Variants in SYNPR observed in about 807,000 individuals in gnomAD.
SYNPR encodes synaptoporin.
In SYNPR, 23 loss-of-function variants were observed where a neutral mutation model predicts 32.9. That is an observed-to-expected ratio of 0.70 (90% CI 0.50 to 0.99). The LOEUF (loss-of-function observed/expected upper bound fraction) is 0.99. Among genes scored for constraint, SYNPR ranks in the 50% least tolerant of loss-of-function variants. The pLI, the probability that SYNPR is intolerant of heterozygous loss-of-function variation, is 0.00. For missense variants in SYNPR, 318 were observed against 349.3 expected, an observed-to-expected ratio of 0.91 and a Z score of 0.71; for synonymous variants, 146 against 135.9, an observed-to-expected ratio of 1.07 and a Z score of -0.52.
chr3:63,473,413 A>T (rs948632340), intron 2 of SYNPR, among the ~76,000 whole-genome samples: 9 of 151,940 alleles, frequency 5.9e-5, no homozygotes, highest in African/African-American at 2.2e-4. Context: ...GATTGATTGT[A>T]TTTCTTTTTA....
chr3:63,340,173 C>T (rs950312116), intron 2 of SYNPR, among the ~76,000 whole-genome samples: 2 of 151,926 alleles, frequency 1.3e-5, no homozygotes. Context: ...AGTAATAGTC[C>T]ATGGCATGAA....
chr3:63,397,071 T>C (rs1251588193), intron 2 of SYNPR, among the ~76,000 whole-genome samples: 1 of 134,440 alleles, frequency 7.4e-6, no homozygotes, highest in Non-Finnish European at 1.5e-5. Flanking sequence ...GCCACTGCAC[T>C]CCAGCCTGGG....
intron 4 of SYNPR, among the ~76,000 whole-genome samples, chr3:63,592,865 A>G (rs1699862704): frequency 6.6e-6 from 1 of 152,116 alleles, no homozygotes; most frequent in Admixed American, 6.6e-5. Context: ...GAGCTGGGCT[A>G]AGCATTTTAT....
intron 2 of SYNPR, among the ~76,000 whole-genome samples, chr3:63,350,369 A>G (rs2087491489): frequency 6.6e-6 from 1 of 152,208 alleles, no homozygotes; most frequent in South Asian, 2.1e-4. Context: ...TGGACCTGCT[A>G]CAAGCCCTGT....
chr3:63,233,113 T>C (rs1575571345), intron 1 of SYNPR, among the ~76,000 whole-genome samples: 1 of 152,182 alleles, frequency 6.6e-6, no homozygotes, highest in East Asian at 1.9e-4. Context: ...ACTTTGGGCC[T>C]TGGAACTAAG....
intron 2 of SYNPR, among the ~76,000 whole-genome samples, chr3:63,319,597 G>C (rs1269972555): frequency 6.6e-6 from 1 of 151,762 alleles, no homozygotes; most frequent in Non-Finnish European, 1.5e-5. Context: ...AATGAAAACT[G>C]TAAGACATTG....
At chr3:63,350,546 A>C (rs1451737053) in intron 2 of SYNPR, among the ~76,000 whole-genome samples, 11 of 152,318 alleles carry the variant, frequency 7.2e-5, no homozygotes, top group Middle Eastern at 3.4e-3. Context: ...GTGCATATGC[A>C]CACATGCACT....
In SYNPR at chr3:63,449,431, T is replaced by C. The variant is rs142729401; in HGVS notation, c.85-31401T>C. On this transcript the variant is annotated intron_variant, in intron 2 of 5. Coordinates refer to ENST00000478300, the MANE Select transcript of SYNPR (RefSeq NM_001130003.2). ...ACATTCTGGTGCAGATAATTCATTA[T>C]TGTTAGGGGGCTGTTTTATGTATTA... 2.0e-3 allele frequency among the ~76,000 whole-genome samples: 303 copies of C among 152,290 alleles called. 1 individual carries two copies. The highest frequency in any genetic ancestry group is 7.1e-3 in the African/African-American group (294 of 41,556).
At chr3:63,390,614 T>G (rs571208255) in intron 2 of SYNPR, among the ~76,000 whole-genome samples, 43 of 152,332 alleles carry the variant, frequency 2.8e-4, no homozygotes, top group African/African-American at 1.0e-3. Flanking sequence ...TGTGTGAACT[T>G]GGGAAAAACG....
intron 2 of SYNPR, among the ~76,000 whole-genome samples, chr3:63,302,054 TG>T (rs1292747187): frequency 6.6e-6 from 1 of 152,078 alleles, no homozygotes; most frequent in Non-Finnish European, 1.5e-5. Flanking sequence ...ATGAATGAAT[TG>T]TTTTCTCACT....
At chr3:63,576,834 A>G (rs1246211192) in intron 4 of SYNPR, among the ~76,000 whole-genome samples, 1 of 152,032 alleles carries the variant, frequency 6.6e-6, no homozygotes, top group Non-Finnish European at 1.5e-5. Flanking sequence ...AGAAAAAAGA[A>G]AACATGTTAT....
chr3:63,569,706 G>A lies in SYNPR; in HGVS notation c.408+12965G>A, dbSNP rs913532020. Among the ~76,000 whole-genome samples, 6 of 152,334 alleles carry A rather than the reference G, an allele frequency of 3.9e-5. No individual in the cohort carries two copies. In the South Asian group the frequency reaches 8.3e-4, roughly 21 times the overall value. On this transcript the variant is annotated intron_variant, in intron 4 of 5. Coordinates refer to ENST00000478300, the MANE Select transcript of SYNPR (RefSeq NM_001130003.2). Reference sequence around the variant, plus strand: ...CTGGGCTCTGCATGCCCTCAGCTTTGGCAGTATCCTTTCTCATTGAGACTC... The same window carrying A: ...CTGGGCTCTGCATGCCCTCAGCTTTAGCAGTATCCTTTCTCATTGAGACTC...
chr3:63,528,438 A>G (rs895194324), intron 3 of SYNPR, among the ~76,000 whole-genome samples: 1 of 152,044 alleles, frequency 6.6e-6, no homozygotes, highest in Non-Finnish European at 1.5e-5. Flanking sequence ...ATCTCAAGAG[A>G]CTAGACTTAA....
chr3:63,381,494 A>G (rs1160539497), intron 2 of SYNPR, among the ~76,000 whole-genome samples: 2 of 152,246 alleles, frequency 1.3e-5, no homozygotes, highest in African/African-American at 4.8e-5. Context: ...TAATTTATAG[A>G]TTCAATGCCA....
At chr3:63,370,019 C>A (rs13061420) in intron 2 of SYNPR, among the ~76,000 whole-genome samples, 3,361 of 152,260 alleles carry the variant, frequency 0.022, 58 homozygotes, top group Non-Finnish European at 0.034. Flanking sequence ...TTGAATCTTA[C>A]TATCTAAAGC....
intron 2 of SYNPR, among the ~76,000 whole-genome samples, chr3:63,290,196 T>C (rs886081772): frequency 2.0e-5 from 3 of 152,062 alleles, no homozygotes; most frequent in African/African-American, 7.2e-5. Flanking sequence ...ACTACTTGCC[T>C]AAAGTCATAC....
intron 2 of SYNPR, among the ~76,000 whole-genome samples, chr3:63,368,078 A>G (rs1315927077): frequency 6.6e-6 from 1 of 152,214 alleles, no homozygotes; most frequent in Non-Finnish European, 1.5e-5. Context: ...GAAATTTTTA[A>G]AAAGTAGAGA....
intron 2 of SYNPR, among the ~76,000 whole-genome samples, chr3:63,331,825 A>C (rs2087233855): frequency 6.6e-6 from 1 of 152,202 alleles, no homozygotes; most frequent in Non-Finnish European, 1.5e-5. Flanking sequence ...ACTTCTCACA[A>C]CAAATCAACA....
Position 63,381,339 on chromosome 3 carries a change from C to T in SYNPR, c.85-99493C>T, listed in dbSNP as rs557180345. Among the ~76,000 whole-genome samples the T allele has an allele frequency of 8.1e-3, 1,230 of 152,274 alleles. 13 individuals are homozygous for T. The highest frequency in any genetic ancestry group is 0.027 in the African/African-American group (1,142 of 41,556). ...GAGAATAAAATGCCTAGGAATCCAA[C>T]TTACAAGGGATGTGAAGGACCTCTT... On this transcript the variant is annotated intron_variant, in intron 2 of 5. Coordinates refer to ENST00000478300, the MANE Select transcript of SYNPR (RefSeq NM_001130003.2).
Sources: allele counts gnomAD v4.1 joint callset (sites outside exome capture counted in the v4.1 genomes callset), GRCh38; gene constraint gnomAD v4.1.1; transcripts MANE v1.5; gene names NCBI Gene and HGNC (gene_info 2026-07-23, HGNC 2026-07-21).